The following GADD45A variants were observed in gnomAD, a reference collection of about 807,000 sequenced individuals.
GADD45A encodes the protein growth arrest and DNA damage-inducible protein GADD45 alpha.
A neutral mutation model predicts 17.7 loss-of-function variants in GADD45A; 9 were observed. The observed-to-expected ratio is 0.51, with a 90% CI of 0.31 to 0.89. The LOEUF is 0.89. GADD45A is among the 40% of genes least tolerant of loss of function. The pLI, the probability that GADD45A is intolerant of heterozygous loss-of-function variation, is 0.05. For synonymous variants in GADD45A, 95 were observed against 92.2 expected (o/e 1.03, Z -0.17); for missense variants, 149 against 220.6 (o/e 0.68, Z 2.06).
chr1:67,686,588 GT>G lies in GADD45A; in HGVS notation c.384+2del. ...GGACCTGCACTGCGTGCTGGTGACG[GT>G]AAGGGACTGGGGGACTGCAGCCTGC... On this transcript the variant is annotated splice_donor_variant, in intron 3 of 3. Transcript: ENST00000370986. LOFTEE classifies it high-confidence loss of function. 2 of 1,609,114 alleles carry G rather than the reference GT, an allele frequency of 1.2e-6. No individual in the cohort carries two copies. The highest frequency in any genetic ancestry group is 2.7e-5 in the African/African-American group (2 of 74,926).
intron 2 of GADD45A, 94 bp downstream of exon 2, chr1:67,686,220 C>T: frequency 1.5e-6 from 2 of 1,370,312 alleles, no homozygotes; most frequent in Non-Finnish European, 2.0e-6. Context: ...GGCCGCGCCA[C>T]TTCCTGTCGC....
In GADD45A at chr1:67,687,807, G is replaced by T. The variant is rs1646146235; in HGVS notation, c.*33G>T. The T allele has an allele frequency of 7.2e-7, 1 of 1,380,722 alleles. No individual in the cohort carries two copies. The highest frequency in any genetic ancestry group is 1.0e-6 in the Non-Finnish European group (1 of 968,788). The allele number at this position is 1,380,722 out of a possible 1,614,324, so 85.5% of individuals were successfully genotyped here. A position where few individuals can be genotyped will look rare whatever the true frequency, so the allele number is the denominator to read the frequency against. On this transcript the variant is annotated 3_prime_UTR_variant, in exon 4 of 4. Transcript: ENST00000370986. ...TGAATGAAAATAACTGAACCAAATT[G>T]CACTGAAGTTTTTGAAATACCTTTG...
At position 67,685,235 on chromosome 1, in the gene GADD45A, C is replaced by T. The variant is rs983682675; in HGVS notation, c.-260C>T. On this transcript the variant is annotated 5_prime_UTR_variant, in exon 1 of 4. Coordinates refer to ENST00000370986, the MANE Select transcript of GADD45A (RefSeq NM_001924.4). ...TAGGCAGTGGCTGGGAGGCAGCGGCCCAATTAGTGTCGTGCGGCCCGTGGC... is the reference window on the plus strand; with the variant it reads ...TAGGCAGTGGCTGGGAGGCAGCGGCTCAATTAGTGTCGTGCGGCCCGTGGC... 8 of 484,220 alleles carry T rather than the reference C, an allele frequency of 1.7e-5. No individual in the cohort carries two copies. Among genetic ancestry groups the T allele is most frequent in the Admixed American group, 8.8e-5 (2 of 22,704 alleles). 30.0% of individuals were successfully genotyped at this position (484,220 alleles called of 1,614,324 possible).
Position 67,686,378 on chromosome 1 carries a change from C to A in GADD45A, c.175C>A (p.Leu59Met). The A allele has an allele frequency of 6.2e-7, 1 of 1,613,430 alleles. No homozygotes were observed. Among genetic ancestry groups the A allele is most frequent in the Non-Finnish European group, 8.5e-7 (1 of 1,179,778 alleles). The change falls in exon 3 of 4, where the codon CTG (leucine) becomes ATG (methionine). Residue 59 changes from leucine to methionine, a missense_variant. Coordinates refer to ENST00000370986, the MANE Select transcript of GADD45A (RefSeq NM_001924.4). ...VDPDNVVLCL[L>M]AADEDDDRDV... ...CCCCGATAACGTGGTGTTGTGCCTG[C>A]TGGCGGCGGACGAGGACGACGACAG...
chr1:67,686,193 C>G, intron 2 of GADD45A, 67 bp downstream of exon 2: 1 of 1,421,366 alleles, frequency 7.0e-7, no homozygotes, highest in Admixed American at 2.0e-5. Context: ...GTCGCCTTGG[C>G]TGGGCGCCCC....
intron 3 of GADD45A, among the ~76,000 whole-genome samples, chr1:67,687,439 T>A (rs961678971): frequency 6.6e-6 from 1 of 152,212 alleles, no homozygotes; most frequent in Non-Finnish European, 1.5e-5. Context: ...TTGGGTTGCA[T>A]GGGTTCAGAC....
chr1:67,685,330 A>T lies in GADD45A; in HGVS notation c.-165A>T, dbSNP rs1302257053. On this transcript the variant is annotated 5_prime_UTR_variant, in exon 1 of 4. Transcript: ENST00000370986. ...TGGCCGGAGCTGCGGCGGCTGGCAC[A>T]GGAGGAGGAGCCCGGGCGGGCGAGG... 5 of 579,998 alleles carry T rather than the reference A, an allele frequency of 8.6e-6. No individual in the cohort carries two copies. Among genetic ancestry groups the T allele is most frequent in the Admixed American group, 7.2e-5 (2 of 27,650 alleles). 35.9% of individuals were successfully genotyped at this position (579,998 alleles called of 1,614,324 possible).
Position 67,686,533 on chromosome 1 carries a change from C to CGCGGCGAGCGAGG in GADD45A, c.334_346dup (p.Ala116GlyfsTer50). ...TGCTCTTGGAGACCGACGCTGGCCC[C>CGCGGCGAGCGAGG]GCGGCGAGCGAGGGCGCCGAGCAGC... On this transcript the variant is annotated frameshift_variant, in exon 3 of 4. Transcript: ENST00000370986. LOFTEE classifies it high-confidence loss of function. 1 of 1,612,534 alleles carries CGCGGCGAGCGAGG rather than the reference C, an allele frequency of 6.2e-7. No individual in the cohort carries two copies. The highest frequency in any genetic ancestry group is 8.5e-7 in the Non-Finnish European group (1 of 1,179,448).
intron 3 of GADD45A, 34 bp from the exon 4 acceptor site, chr1:67,687,627 T>A (rs1646144844): frequency 1.5e-6 from 2 of 1,310,346 alleles, no homozygotes; most frequent in East Asian, 2.3e-5. Flanking sequence ...TACTGGTTTT[T>A]AAAATAAGTT....
chr1:67,686,372 T>C lies in GADD45A; in HGVS notation c.169T>C (p.Cys57Arg). The change falls in exon 3 of 4, where the codon TGC (cysteine) becomes CGC (arginine). Residue 57 changes from cysteine to arginine, a missense_variant. Cys to Arg is a radical substitution (Grantham distance 180). Transcript: ENST00000370986. ...CAGCGACCCCGATAACGTGGTGTTGTGCCTGCTGGCGGCGGACGAGGACGA... is the reference window on the plus strand; with the variant it reads ...CAGCGACCCCGATAACGTGGTGTTGCGCCTGCTGGCGGCGGACGAGGACGA... ...LNVDPDNVVLCLLAADEDDDR... is the reference protein window; with the variant it reads ...LNVDPDNVVLRLLAADEDDDR... 6.2e-7 allele frequency: 1 copy of C among 1,613,386 alleles called. No individual in the cohort carries two copies. The highest frequency in any genetic ancestry group is 8.5e-7 in the Non-Finnish European group (1 of 1,179,746).
chr1:67,687,874 A>G lies in GADD45A; in HGVS notation c.*100A>G, dbSNP rs993103006. 2.6e-6 allele frequency: 2 copies of G among 769,054 alleles called. No homozygotes were observed. The highest frequency in any genetic ancestry group is 2.0e-5 in the Admixed American group (1 of 49,224). 47.6% of individuals were successfully genotyped at this position (769,054 alleles called of 1,614,324 possible). The stretch of plus-strand genomic sequence containing the variant: ...TACTCCCTACACTGATGCAAGGATT[A>G]CAGAAACTGATGCCAAGGGGCTGAG... On this transcript the variant is annotated 3_prime_UTR_variant, in exon 4 of 4. Transcript: ENST00000370986.
chr1:67,687,344 G>A (rs1384452056), intron 3 of GADD45A, among the ~76,000 whole-genome samples: 2 of 152,102 alleles, frequency 1.3e-5, no homozygotes, highest in Admixed American at 6.5e-5. Context: ...CTCAGGTCAG[G>A]GTAACAAGTT....
chr1:67,685,906 C>T, intron 1 of GADD45A, 119 bp from the exon 2 acceptor site: 1 of 670,420 alleles, frequency 1.5e-6, no homozygotes. Context: ...TTTCGTAGAG[C>T]CCAGGTGCGC....
Position 67,686,165 on chromosome 1 carries a change from C to T in GADD45A, c.146+39C>T, listed in dbSNP as rs771537824. ...TTGCGCGTCCCCCATGGCACCCCTT[C>T]CCGCCCCAGCCCGGGAGGTCGCCTT... On this transcript the variant is annotated intron_variant, in intron 2 of 3. Coordinates refer to ENST00000370986, the MANE Select transcript of GADD45A (RefSeq NM_001924.4). 28 of 1,527,942 alleles carry T rather than the reference C, an allele frequency of 1.8e-5. No individual in the cohort carries two copies. The South Asian group carries it at 2.7e-4, about 15-fold the overall frequency. The allele number at this position is 1,527,942 out of a possible 1,614,324, so 94.6% of individuals were successfully genotyped here.
chr1:67,685,584 C>A (rs201988872), intron 1 of GADD45A, 46 bp downstream of exon 1: 136 of 1,564,958 alleles, frequency 8.7e-5, no homozygotes, highest in Non-Finnish European at 1.2e-4. Flanking sequence ...CTCTTACCTA[C>A]CCCGCGCTCC....
In GADD45A at chr1:67,685,463, G is replaced by C; in HGVS notation, c.-32G>C. 1.3e-6 allele frequency: 2 copies of C among 1,595,500 alleles called. No individual in the cohort carries two copies. The highest frequency in any genetic ancestry group is 1.7e-6 in the Non-Finnish European group (2 of 1,170,124). ...GTGGCAGGAGCAGCCCGCACGCCGCGCTCTCTCCCTGGGCGACCTGCAGTT... is the reference window on the plus strand; with the variant it reads ...GTGGCAGGAGCAGCCCGCACGCCGCCCTCTCTCCCTGGGCGACCTGCAGTT... On this transcript the variant is annotated 5_prime_UTR_variant, in exon 1 of 4. Coordinates refer to ENST00000370986, the MANE Select transcript of GADD45A (RefSeq NM_001924.4).
In GADD45A at chr1:67,685,316, G is replaced by T; in HGVS notation, c.-179G>T. The stretch of plus-strand genomic sequence containing the variant: ...CAAGGCGGGAGGGGTGGCCGGAGCT[G>T]CGGCGGCTGGCACAGGAGGAGGAGC... On this transcript the variant is annotated 5_prime_UTR_variant, in exon 1 of 4. Coordinates refer to ENST00000370986, the MANE Select transcript of GADD45A (RefSeq NM_001924.4). 3.6e-6 allele frequency: 2 copies of T among 553,612 alleles called. No individual in the cohort carries two copies. Among genetic ancestry groups the T allele is most frequent in the Non-Finnish European group, 6.3e-6 (2 of 317,548 alleles). 34.3% of individuals were successfully genotyped at this position (553,612 alleles called of 1,614,324 possible). A position where few individuals can be genotyped will look rare whatever the true frequency, so the allele number is the denominator to read the frequency against.
In GADD45A at chr1:67,688,061, T is replaced by C; in HGVS notation, c.*287T>C. The C allele has an allele frequency of 3.3e-6, 1 of 300,836 alleles. No individual in the cohort carries two copies. 18.6% of individuals were successfully genotyped at this position (300,836 alleles called of 1,614,324 possible). The stretch of plus-strand genomic sequence containing the variant: ...AGGAAAACTATGTATTAATTTAGAA[T>C]GGTTGAGTTACATTAAAATAAACCA... On this transcript the variant is annotated 3_prime_UTR_variant, in exon 4 of 4. Transcript: ENST00000370986.
intron 2 of GADD45A, 79 bp from the exon 3 acceptor site, chr1:67,686,271 G>A (rs375849275): frequency 4.2e-6 from 6 of 1,419,638 alleles, no homozygotes; most frequent in Admixed American, 2.3e-5. Context: ...AGCGGGCCGG[G>A]CGGCGACCCC....
Sources: allele counts gnomAD v4.1 joint callset (sites outside exome capture counted in the v4.1 genomes callset), GRCh38; gene constraint gnomAD v4.1.1; transcripts MANE v1.5; gene names NCBI Gene and HGNC (gene_info 2026-07-23, HGNC 2026-07-21).